The following DACH1 variants were observed in gnomAD, a reference collection of about 807,000 sequenced individuals.
DACH1 encodes dachshund homolog 1.
A neutral mutation model predicts 54.2 loss-of-function variants in DACH1; 12 were observed. The ratio of observed to expected loss-of-function variants is 0.22; its 90% CI spans 0.14 to 0.36. The LOEUF (loss-of-function observed/expected upper bound fraction) is 0.36, where lower values mean the gene tolerates loss of function less well. Among genes scored for constraint, DACH1 ranks in the 10% least tolerant of loss-of-function variants. The pLI is 1.00. For synonymous variants in DACH1, 386 were observed against 366.2 expected (o/e 1.05, Z -0.62); for missense variants, 805 against 929.8 (o/e 0.87, Z 1.75).
intron 1 of DACH1, among the ~76,000 whole-genome samples, chr13:71,697,813 G>A (rs968777128): frequency 2.0e-5 from 3 of 152,008 alleles, no homozygotes; most frequent in Non-Finnish European, 2.9e-5. Flanking sequence ...AATACCATTG[G>A]AAGGCTATAT....
At chr13:71,682,732 A>G (rs1880976428) in intron 1 of DACH1, among the ~76,000 whole-genome samples, 1 of 152,186 alleles carries the variant, frequency 6.6e-6, no homozygotes, top group Admixed American at 6.6e-5. Flanking sequence ...GATAAATAAA[A>G]ATACCTTGTG....
chr13:71,721,842 A>T (rs1883243242), intron 1 of DACH1, among the ~76,000 whole-genome samples: 1 of 152,176 alleles, frequency 6.6e-6, no homozygotes, highest in Non-Finnish European at 1.5e-5. Flanking sequence ...TCTTAACAAT[A>T]TGTTAAAGCA....
chr13:71,563,355 A>C (rs913173062), intron 4 of DACH1, among the ~76,000 whole-genome samples: 34 of 151,990 alleles, frequency 2.2e-4, no homozygotes, highest in African/African-American at 7.7e-4. Context: ...TGATTTTGCA[A>C]GTCTGATTTT....
chr13:71,757,139 G>C (rs1010561231), intron 1 of DACH1, among the ~76,000 whole-genome samples: 1 of 152,086 alleles, frequency 6.6e-6, no homozygotes, highest in Admixed American at 6.6e-5. Flanking sequence ...TATTTAGCTT[G>C]AATAATTAAT....
chr13:71,843,813 G>A (rs191108126), intron 1 of DACH1, among the ~76,000 whole-genome samples: 4 of 152,324 alleles, frequency 2.6e-5, no homozygotes, highest in Admixed American at 6.5e-5. Context: ...ACCATGCATT[G>A]TATCAGGGTC....
chr13:71,809,986 CTG>C (rs1316027571), intron 1 of DACH1, among the ~76,000 whole-genome samples: 2 of 152,146 alleles, frequency 1.3e-5, no homozygotes, highest in East Asian at 1.9e-4. Context: ...GTAGACAATG[CTG>C]TGTGTGTGTA....
At chr13:71,822,399 A>G (rs1485955441) in intron 1 of DACH1, among the ~76,000 whole-genome samples, 2 of 152,114 alleles carry the variant, frequency 1.3e-5, no homozygotes, top group Non-Finnish European at 2.9e-5. Flanking sequence ...TTCCTAATAC[A>G]TTTCTTAAAT....
At chr13:71,517,308 TA>T (rs1344860051) in intron 6 of DACH1, among the ~76,000 whole-genome samples, 1 of 151,196 alleles carries the variant, frequency 6.6e-6, no homozygotes, top group East Asian at 2.0e-4. Flanking sequence ...CTACATCCCA[TA>T]ACATGAATCT....
chr13:71,636,886 T>G (rs1414259265), intron 2 of DACH1, among the ~76,000 whole-genome samples: 1 of 152,230 alleles, frequency 6.6e-6, no homozygotes, highest in Admixed American at 6.5e-5. Context: ...TGAATTATGA[T>G]GCAAACTTAT....
chr13:71,789,526 T>TA (rs1886749023), intron 1 of DACH1, among the ~76,000 whole-genome samples: 1 of 152,090 alleles, frequency 6.6e-6, no homozygotes, highest in South Asian at 2.1e-4. Context: ...GTTTTAGATT[T>TA]AAAAAATTTA....
intron 7 of DACH1, among the ~76,000 whole-genome samples, chr13:71,481,953 A>C (rs1163342635): frequency 6.6e-6 from 1 of 152,228 alleles, no homozygotes. Context: ...ATATCCAGAA[A>C]ATGCTGTGGC....
chr13:71,729,355 G>A (rs1336906741), intron 1 of DACH1, among the ~76,000 whole-genome samples: 3 of 151,878 alleles, frequency 2.0e-5, no homozygotes, highest in Admixed American at 1.3e-4. Flanking sequence ...TAGATTTTAA[G>A]AGATACTTAT....
chr13:71,852,985 A>G (rs992121482), intron 1 of DACH1, among the ~76,000 whole-genome samples: 1 of 152,200 alleles, frequency 6.6e-6, no homozygotes, highest in South Asian at 2.1e-4. Context: ...TCAGTGATAC[A>G]TATTTCCAAA....
In DACH1 at chr13:71,673,687, C is replaced by T. The variant is rs1880355803; in HGVS notation, c.964+8108G>A. Among the ~76,000 whole-genome samples the T allele has an allele frequency of 2.0e-5, 3 of 152,020 alleles. 1 individual carries two copies. In the South Asian group the frequency reaches 6.2e-4, roughly 32 times the overall value. The stretch of plus-strand genomic sequence containing the variant: ...TGACAGGTTAATGGGTGCAGCAAAC[C>T]ACCATGGCACGTGTATACCTATGTA... On this transcript the variant is annotated intron_variant, in intron 2 of 10. Coordinates refer to ENST00000613252, the MANE Select transcript of DACH1 (RefSeq NM_080759.6).
At chr13:71,766,105 C>G (rs566777499) in intron 1 of DACH1, among the ~76,000 whole-genome samples, 2 of 152,098 alleles carry the variant, frequency 1.3e-5, no homozygotes, top group Admixed American at 6.5e-5. Flanking sequence ...CCAGGATGGT[C>G]TCGGTCTCCT....
intron 1 of DACH1, among the ~76,000 whole-genome samples, chr13:71,712,637 T>C (rs1229891445): frequency 1.1e-4 from 17 of 152,168 alleles, no homozygotes; most frequent in Admixed American, 1.1e-3. Context: ...ATGTACGACA[T>C]GCTGGCCTAT....
chr13:71,533,720 T>A (rs944543082), intron 6 of DACH1, among the ~76,000 whole-genome samples: 5 of 151,742 alleles, frequency 3.3e-5, no homozygotes, highest in African/African-American at 1.2e-4. Flanking sequence ...TCTCTGTCTA[T>A]CTCTCTGTCT....
chr13:71,819,054 G>T (rs1888084470), intron 1 of DACH1, among the ~76,000 whole-genome samples: 1 of 152,188 alleles, frequency 6.6e-6, no homozygotes, highest in Admixed American at 6.5e-5. Context: ...CAATAAAAGA[G>T]AAGGTGGCAT....
At chr13:71,479,631 T>A (rs2138183168) in intron 7 of DACH1, among the ~76,000 whole-genome samples, 1 of 152,256 alleles carries the variant, frequency 6.6e-6, no homozygotes, top group East Asian at 1.9e-4. Context: ...CACATAAGCA[T>A]GTCTAAAAAA....
Sources: allele counts gnomAD v4.1 joint callset (sites outside exome capture counted in the v4.1 genomes callset), GRCh38; gene constraint gnomAD v4.1.1; transcripts MANE v1.5; gene names NCBI Gene and HGNC (gene_info 2026-07-23, HGNC 2026-07-21).